HS6ST3: variants seen among roughly 807,000 people sequenced by gnomAD.
HS6ST3 encodes the protein heparan-sulfate 6-O-sulfotransferase 3.
Under a neutral mutation model 36.7 loss-of-function variants are expected in HS6ST3, and 12 were observed. That is an observed-to-expected ratio of 0.33 (90% CI 0.21 to 0.53). The LOEUF is 0.53. Ranked by LOEUF, HS6ST3 falls within the 20% of genes least tolerant of loss-of-function variation. The probability of loss-of-function intolerance (pLI) is 0.95; values close to 1 mark genes in which losing one functional copy is unlikely to be tolerated. For missense variants in HS6ST3, 584 were observed against 640.9 expected (o/e 0.91, Z 0.96); for synonymous variants, 240 against 257.5 (o/e 0.93, Z 0.65).
intron 1 of HS6ST3, among the ~76,000 whole-genome samples, chr13:96,095,013 AT>A (rs2053783018): frequency 1.3e-5 from 2 of 152,222 alleles, no homozygotes; most frequent in South Asian, 4.1e-4. Flanking sequence ...TATATATAGA[AT>A]CATAGCATTT....
At chr13:96,767,377 A>G (rs148938985) in intron 1 of HS6ST3, among the ~76,000 whole-genome samples, 87 of 152,296 alleles carry the variant, frequency 5.7e-4, no homozygotes, top group African/African-American at 1.9e-3. Context: ...AAGGTCATCT[A>G]TGTCTCAATC....
intron 1 of HS6ST3, among the ~76,000 whole-genome samples, chr13:96,151,064 G>A (rs375039330): frequency 3.3e-5 from 5 of 152,126 alleles, no homozygotes; most frequent in East Asian, 1.9e-4. Context: ...AATTGATGGC[G>A]GGACATCCAT....
At chr13:96,264,458 G>A (rs1308813398) in intron 1 of HS6ST3, among the ~76,000 whole-genome samples, 3 of 152,182 alleles carry the variant, frequency 2.0e-5, no homozygotes, top group African/African-American at 7.2e-5. Context: ...GCCCTGGCTT[G>A]TCCATACTTG....
intron 1 of HS6ST3, among the ~76,000 whole-genome samples, chr13:96,338,661 G>A (rs547792650): frequency 2.4e-4 from 36 of 152,144 alleles, no homozygotes; most frequent in Admixed American, 1.6e-3. Context: ...TCTAGCTTCA[G>A]GACTTCCTCC....
chr13:96,718,607 T>G (rs933124866), intron 1 of HS6ST3, among the ~76,000 whole-genome samples: 2 of 152,182 alleles, frequency 1.3e-5, no homozygotes, highest in East Asian at 1.9e-4. Context: ...AAATTGAACT[T>G]ATGACCTACA....
At chr13:96,489,407 T>C (rs1230987145) in intron 1 of HS6ST3, among the ~76,000 whole-genome samples, 2 of 147,668 alleles carry the variant, frequency 1.4e-5, no homozygotes, top group Non-Finnish European at 1.5e-5. Context: ...CACACACATA[T>C]AGTTTTTTTC....
chr13:96,200,881 G>T (rs1237903271), intron 1 of HS6ST3, among the ~76,000 whole-genome samples: 2 of 152,076 alleles, frequency 1.3e-5, no homozygotes, highest in Non-Finnish European at 2.9e-5. Context: ...TTCATTCCTA[G>T]CCTGATCCCA....
chr13:96,568,634 AT>A (rs1333471834), intron 1 of HS6ST3, among the ~76,000 whole-genome samples: 1 of 152,214 alleles, frequency 6.6e-6, no homozygotes, highest in Non-Finnish European at 1.5e-5. Context: ...TCAGACCATA[AT>A]GAACATAATG....
At chr13:96,690,831 C>CTT (rs10670629) in intron 1 of HS6ST3, among the ~76,000 whole-genome samples, 149,929 of 152,214 alleles carry the variant, frequency 0.98, 73,877 homozygotes, top group Middle Eastern at 1. Context: ...CTGAATATGA[C>CTT]TTATTCTTCT....
intron 1 of HS6ST3, among the ~76,000 whole-genome samples, chr13:96,770,606 GAA>G: frequency 6.6e-6 from 1 of 151,918 alleles, no homozygotes; most frequent in Admixed American, 6.6e-5. Flanking sequence ...GGATATTGGG[GAA>G]AAAAAACTAG....
intron 1 of HS6ST3, among the ~76,000 whole-genome samples, chr13:96,181,309 A>C (rs2054238768): frequency 6.6e-6 from 1 of 152,222 alleles, no homozygotes; most frequent in African/African-American, 2.4e-5. Flanking sequence ...TCAAAAAAGG[A>C]GCAATGGGTC....
At chr13:96,714,733 A>T (rs896677482) in intron 1 of HS6ST3, among the ~76,000 whole-genome samples, 1 of 152,148 alleles carries the variant, frequency 6.6e-6, no homozygotes, top group Non-Finnish European at 1.5e-5. Flanking sequence ...GGGTCTTGCT[A>T]TGTCATCCAG....
intron 1 of HS6ST3, among the ~76,000 whole-genome samples, chr13:96,510,101 ATTT>A (rs1298544968): frequency 3.4e-4 from 4 of 11,772 alleles, no homozygotes; most frequent in African/African-American, 4.3e-4. Context: ...ATTTTATTTT[ATTT>A]TATTTTATTT....
intron 1 of HS6ST3, among the ~76,000 whole-genome samples, chr13:96,583,815 T>C (rs569961687): frequency 2.0e-5 from 3 of 152,070 alleles, no homozygotes; most frequent in Non-Finnish European, 4.4e-5. Context: ...TGATCACTCT[T>C]ATCTAAAGAT....
intron 1 of HS6ST3, among the ~76,000 whole-genome samples, chr13:96,478,289 T>C (rs2055873678): frequency 6.6e-6 from 1 of 152,022 alleles, no homozygotes; most frequent in African/African-American, 2.4e-5. Flanking sequence ...TGGCCAGAGA[T>C]AGAACAGTGA....
intron 1 of HS6ST3, among the ~76,000 whole-genome samples, chr13:96,171,965 A>G (rs2054189666): frequency 6.6e-6 from 1 of 152,146 alleles, no homozygotes; most frequent in Non-Finnish European, 1.5e-5. Flanking sequence ...TTAATTCATA[A>G]ATAACTACAA....
chr13:96,568,743 T>C (rs2056290765), intron 1 of HS6ST3, among the ~76,000 whole-genome samples: 1 of 152,250 alleles, frequency 6.6e-6, no homozygotes, highest in South Asian at 2.1e-4. Flanking sequence ...CTATAGTAGC[T>C]ATGATCATGT....
At chr13:96,387,574 G>T (rs1380411820) in intron 1 of HS6ST3, among the ~76,000 whole-genome samples, 1 of 152,100 alleles carries the variant, frequency 6.6e-6, no homozygotes, top group African/African-American at 2.4e-5. Flanking sequence ...TATAGAGATG[G>T]AACAGAATCC....
At chr13:96,103,874 A>G (rs1320367478) in intron 1 of HS6ST3, among the ~76,000 whole-genome samples, 1 of 152,088 alleles carries the variant, frequency 6.6e-6, no homozygotes, top group African/African-American at 2.4e-5. Context: ...TGACTTATCT[A>G]AGTGCATAAG....
Sources: gnomAD v4.1 joint callset for allele counts (sites outside exome capture counted in the v4.1 genomes callset) on GRCh38, gnomAD v4.1.1 for gene constraint, MANE v1.5 for transcripts, NCBI Gene and HGNC (gene_info 2026-07-23, HGNC 2026-07-21) for gene names.